The following INPP1 variants were observed in gnomAD, a reference collection of about 807,000 sequenced individuals.
The protein encoded by INPP1 is inositol polyphosphate-1-phosphatase.
A neutral mutation model predicts 23.0 loss-of-function variants in INPP1; 18 were observed. That is an observed-to-expected ratio of 0.78 (90% CI 0.54 to 1.16). INPP1 has a LOEUF of 1.16. INPP1 is among the 50% of genes most tolerant of loss of function. The pLI is 0.00. For missense variants in INPP1, 448 were observed against 482.1 expected (o/e 0.93, Z 0.66); for synonymous variants, 164 against 176.3 (o/e 0.93, Z 0.55).
At chr2:190,344,796 C>A (rs1333497478) in intron 1 of INPP1, among the ~76,000 whole-genome samples, 1 of 152,198 alleles carries the variant, frequency 6.6e-6, no homozygotes, top group African/African-American at 2.4e-5. Context: ...AGTTTGCCCA[C>A]TGTATGATGG....
intron 2 of INPP1, among the ~76,000 whole-genome samples, chr2:190,358,392 A>G (rs980797534): frequency 2.6e-5 from 4 of 151,300 alleles, no homozygotes; most frequent in Admixed American, 2.6e-4. Flanking sequence ...TAATTTTTAT[A>G]TTTTTAGTAG....
intron 2 of INPP1, among the ~76,000 whole-genome samples, chr2:190,353,357 G>A (rs1203749466): frequency 6.6e-6 from 1 of 152,152 alleles, no homozygotes; most frequent in East Asian, 1.9e-4. Context: ...AATCAGATCT[G>A]GCCGACAAAA....
chr2:190,358,405 A>G (rs1575787232), intron 2 of INPP1, among the ~76,000 whole-genome samples: 1 of 152,060 alleles, frequency 6.6e-6, no homozygotes, highest in Middle Eastern at 3.4e-3. Flanking sequence ...TTTAGTAGAG[A>G]TGGGGTTTCA....
At position 190,356,072 on chromosome 2, in the gene INPP1, C is replaced by T. The variant is rs1437742469; in HGVS notation, c.-64-3967C>T. 6.6e-6 allele frequency among the ~76,000 whole-genome samples: 1 copy of T among 152,170 alleles called. No individual in the cohort carries two copies. The highest frequency in any genetic ancestry group is 1.5e-5 in the Non-Finnish European group (1 of 68,026). On this transcript the variant is annotated intron_variant, in intron 2 of 6. Transcript: ENST00000392329. This position sits in a 1 kb window ranked among gnomAD's most constrained non-coding sequence, Gnocchi z 6.4. Reference sequence around the variant, plus strand: ...ATAGACAAATTATTTCAAGTTGAGCCATTCAAGGTTAGGATGAATTGTGCA... The same window carrying T: ...ATAGACAAATTATTTCAAGTTGAGCTATTCAAGGTTAGGATGAATTGTGCA...
chr2:190,360,314 A>G lies in INPP1; in HGVS notation c.204+8A>G, dbSNP rs754582770. On this transcript the variant is annotated splice_region_variant and intron_variant, in intron 3 of 6. Coordinates refer to ENST00000392329, the MANE Select transcript of INPP1 (RefSeq NM_001128928.2). ...CAGAATATGGAGAACAAGGTAAGAAAGGTCATAGCCAAGGTAACTGCAAAA... is the reference window on the plus strand; with the variant it reads ...CAGAATATGGAGAACAAGGTAAGAAGGGTCATAGCCAAGGTAACTGCAAAA... The G allele has an allele frequency of 2.3e-5, 37 of 1,613,156 alleles. No individual in the cohort carries two copies. The highest frequency in any genetic ancestry group is 3.3e-5 in the Admixed American group (2 of 59,978).
In INPP1 at chr2:190,366,747, T is replaced by C; in HGVS notation, c.318T>C (p.Leu106=). ...CAACAGAGGAGGAAACAGCAGAGCT[T>C]CTTAGCAAAGTCCTCAATGGTAACA... is the stretch of plus-strand genomic sequence containing the variant. The part of the protein sequence containing the change: ...LCSTEEETAE[L]LSKVLNGNKV... Residue 106 remains leucine, a synonymous_variant, in exon 5 of 7, where the codon CTT becomes CTC. Transcript: ENST00000392329. The C allele has an allele frequency of 6.2e-7, 1 of 1,613,740 alleles. No individual in the cohort carries two copies. The highest frequency in any genetic ancestry group is 8.5e-7 in the Non-Finnish European group (1 of 1,179,606).
At chr2:190,351,791 T>C (rs1269912566) in intron 2 of INPP1, among the ~76,000 whole-genome samples, 1 of 152,252 alleles carries the variant, frequency 6.6e-6, no homozygotes, top group Non-Finnish European at 1.5e-5. Context: ...TTTTAATCCA[T>C]ACCTGCATGA....
Position 190,370,890 on chromosome 2 carries a change from A to T in INPP1, c.688A>T (p.Met230Leu). Residue 230 changes from methionine (M) to leucine (L), a missense_variant, in exon 7 of 7, where the codon ATG becomes TTG. By Grantham distance (15) the Met-to-Leu change is conservative (BLOSUM62 2). Coordinates refer to ENST00000392329, the MANE Select transcript of INPP1 (RefSeq NM_001128928.2). ...YWGLSYMGTNMHSLQLTISRR... is the reference protein window; with the variant it reads ...YWGLSYMGTNLHSLQLTISRR... Reference sequence around the variant, plus strand: ...GGGCCTTTCTTACATGGGGACCAACATGCATTCACTACAGCTCACCATCTC... The same window carrying T: ...GGGCCTTTCTTACATGGGGACCAACTTGCATTCACTACAGCTCACCATCTC... 5 of 1,614,082 alleles carry T rather than the reference A, an allele frequency of 3.1e-6. No individual in the cohort carries two copies. In the Admixed American group the frequency reaches 5.0e-5, roughly 16 times the overall value.
chr2:190,361,113 T>G (rs1055538679), intron 3 of INPP1, among the ~76,000 whole-genome samples: 9 of 145,718 alleles, frequency 6.2e-5, no homozygotes, highest in African/African-American at 2.4e-4. Flanking sequence ...GATGAAGAAC[T>G]ACTATTACAA....
rs1689794485 is a variant in INPP1 at position 190,371,121 on chromosome 2, T to C, written c.919T>C (p.Phe307Leu). The change falls in exon 7 of 7, where the codon TTT (phenylalanine) becomes CTT (leucine). Residue 307 changes from phenylalanine (F) to leucine (L), a missense_variant. By Grantham distance (22) the Phe-to-Leu change is conservative. Transcript: ENST00000392329. This position sits in a 1 kb window ranked among gnomAD's most constrained non-coding sequence, Gnocchi z 5.3. ...CCAAGGCCTCGTTGACATTTACATCTTTTCAGAAGATACCACATTCAAATG... is the reference window on the plus strand; with the variant it reads ...CCAAGGCCTCGTTGACATTTACATCCTTTCAGAAGATACCACATTCAAATG... Reference protein sequence around the residue: ...VVQGLVDIYIFSEDTTFKWDS... With the variant: ...VVQGLVDIYILSEDTTFKWDS... The C allele has an allele frequency of 6.2e-7, 1 of 1,614,228 alleles. No homozygotes were observed. The highest frequency in any genetic ancestry group is 8.5e-7 in the Non-Finnish European group (1 of 1,180,044).
chr2:190,370,401 T>C (rs1355193555), intron 6 of INPP1, among the ~76,000 whole-genome samples: 1 of 152,234 alleles, frequency 6.6e-6, no homozygotes, highest in African/African-American at 2.4e-5. Flanking sequence ...AACGTGAAAC[T>C]AGTGAATAAG....
rs556813297 is a variant in INPP1, at chr2:190,363,780, T to C, written c.265+1093T>C. 1.3e-5 allele frequency among the ~76,000 whole-genome samples: 2 copies of C among 152,316 alleles called. No individual in the cohort carries two copies. The highest frequency in any genetic ancestry group is 2.1e-4 in the South Asian group (1 of 4,832). On this transcript the variant is annotated intron_variant, in intron 4 of 6. Coordinates refer to ENST00000392329, the MANE Select transcript of INPP1 (RefSeq NM_001128928.2). This position sits in a 1 kb window ranked among gnomAD's most constrained non-coding sequence, Gnocchi z 4.4. ...CAATCTTACATTTAAAAATCTACGCTTGACTACTTCACAAACAGCTATTTT... is the reference window on the plus strand; with the variant it reads ...CAATCTTACATTTAAAAATCTACGCCTGACTACTTCACAAACAGCTATTTT...
chr2:190,366,302 GCT>G (rs946308575), intron 4 of INPP1, among the ~76,000 whole-genome samples: 2 of 94,456 alleles, frequency 2.1e-5, no homozygotes, highest in African/African-American at 8.4e-5. Flanking sequence ...TGTCTCTCTC[GCT>G]CTGTCTCACT....
At chr2:190,359,736 T>C (rs1400856448) in intron 2 of INPP1, 2 of 267,622 alleles carry the variant, frequency 7.5e-6, no homozygotes, top group Non-Finnish European at 1.5e-5. Flanking sequence ...AGCATTGTGC[T>C]TGTGTGTCCA....
Position 190,354,032 on chromosome 2 carries a change from C to T in INPP1, c.-65+5001C>T, listed in dbSNP as rs1689371704. On this transcript the variant is annotated intron_variant, in intron 2 of 6. Coordinates refer to ENST00000392329, the MANE Select transcript of INPP1 (RefSeq NM_001128928.2). The surrounding 1 kb of genome is among the most constrained non-coding windows in gnomAD (Gnocchi z 4.8). ...CATTGTGACACAATTTTATGTTAAA[C>T]ATATAGATACGTACATTTGGTTTGA... Among the ~76,000 whole-genome samples, 1 of 152,178 alleles carries T rather than the reference C, an allele frequency of 6.6e-6. No homozygotes were observed. The highest frequency in any genetic ancestry group is 1.5e-5 in the Non-Finnish European group (1 of 68,022).
intron 2 of INPP1, chr2:190,359,794 G>A (rs1447785106): frequency 3.3e-6 from 1 of 302,768 alleles, no homozygotes; most frequent in Non-Finnish European, 6.4e-6. Flanking sequence ...AGATTTTTCT[G>A]TCACTGAGAA....
chr2:190,347,115 G>A (rs1340077289), intron 1 of INPP1, among the ~76,000 whole-genome samples: 5 of 145,334 alleles, frequency 3.4e-5, no homozygotes, highest in Non-Finnish European at 7.5e-5. Flanking sequence ...AGGTTCAAGC[G>A]ATTCTCCTGC....
chr2:190,359,556 CAAAA>C (rs756661265), intron 2 of INPP1: 5 of 61,326 alleles, frequency 8.2e-5, no homozygotes, highest in South Asian at 4.8e-4. Context: ...GACTCCGTCT[CAAAA>C]AAAAAAAAAA....
At position 190,355,207 on chromosome 2, in the gene INPP1, G is replaced by C. The variant is rs982261769; in HGVS notation, c.-64-4832G>C. Among the ~76,000 whole-genome samples the C allele has an allele frequency of 4.6e-5, 7 of 152,092 alleles. No individual in the cohort carries two copies. The highest frequency in any genetic ancestry group is 1.7e-4 in the African/African-American group (7 of 41,416). On this transcript the variant is annotated intron_variant, in intron 2 of 6. Transcript: ENST00000392329. This position sits in a 1 kb window ranked among gnomAD's most constrained non-coding sequence, Gnocchi z 5.1. ...CTTCATCTGTAAAATGGAGATAATA[G>C]TACCTACTTCCTAAGGTTATATAAG...
Sources: gnomAD v4.1 joint callset for allele counts (sites outside exome capture counted in the v4.1 genomes callset) on GRCh38, gnomAD v4.1.1 for gene constraint, Gnocchi (gnomAD v3.1) non-coding constraint, MANE v1.5 for transcripts, NCBI Gene and HGNC (gene_info 2026-07-23, HGNC 2026-07-21) for gene names.